The following ATF2 variants were observed in gnomAD, a reference collection of about 807,000 sequenced individuals.
The protein encoded by ATF2 is activating transcription factor 2.
ATF2 carries 24 observed loss-of-function variants against 60.6 expected under a neutral mutation model. The ratio of observed to expected loss-of-function variants is 0.40; its 90% CI spans 0.29 to 0.56. The LOEUF (loss-of-function observed/expected upper bound fraction) is 0.56. Among genes scored for constraint, ATF2 ranks in the 20% least tolerant of loss-of-function variants. The probability of loss-of-function intolerance (pLI) is 0.54; values close to 1 mark genes in which losing one functional copy is unlikely to be tolerated. For missense variants in ATF2, 433 were observed against 607.7 expected, an observed-to-expected ratio of 0.71 and a Z score of 3.02; for synonymous variants, 206 against 215.4, an observed-to-expected ratio of 0.96 and a Z score of 0.38.
At chr2:175,142,794 G>A (rs1698666990) in intron 2 of ATF2, among the ~76,000 whole-genome samples, 1 of 151,058 alleles carries the variant, frequency 6.6e-6, no homozygotes, top group East Asian at 2.0e-4. Flanking sequence ...GCTGCAGAGA[G>A]AAACAGAAAG....
At chr2:175,088,771 T>C (rs929353476) in intron 12 of ATF2, among the ~76,000 whole-genome samples, 2 of 152,074 alleles carry the variant, frequency 1.3e-5, no homozygotes, top group African/African-American at 4.8e-5. Flanking sequence ...ACATGCTACA[T>C]TTATAAACTG....
intron 12 of ATF2, among the ~76,000 whole-genome samples, chr2:175,088,681 T>C (rs912512267): frequency 6.6e-6 from 1 of 152,008 alleles, no homozygotes; most frequent in African/African-American, 2.4e-5. Flanking sequence ...CAAAAATAAT[T>C]ATCAAGTTGT....
At chr2:175,160,402 C>T (rs1699944429) in intron 1 of ATF2, among the ~76,000 whole-genome samples, 1 of 152,110 alleles carries the variant, frequency 6.6e-6, no homozygotes. Context: ...TAAAGTAAGA[C>T]TATGGATTAT....
At chr2:175,151,904 A>G (rs1231907221) in intron 1 of ATF2, among the ~76,000 whole-genome samples, 1 of 152,208 alleles carries the variant, frequency 6.6e-6, no homozygotes, top group African/African-American at 2.4e-5. Context: ...CTGATCAGAC[A>G]GCAAGATGAG....
chr2:175,139,042 T>C (rs1476224617), intron 2 of ATF2, among the ~76,000 whole-genome samples: 2 of 152,200 alleles, frequency 1.3e-5, no homozygotes, highest in Admixed American at 1.3e-4. Flanking sequence ...TACCTCACAG[T>C]TGTTGTAAGC....
intron 2 of ATF2, among the ~76,000 whole-genome samples, chr2:175,146,738 T>C (rs963835866): frequency 4.6e-5 from 7 of 152,192 alleles, no homozygotes; most frequent in Non-Finnish European, 1.0e-4. Flanking sequence ...ACCTGAGATG[T>C]GAATTGTCGC....
At chr2:175,151,611 T>C (rs1051491373) in intron 1 of ATF2, among the ~76,000 whole-genome samples, 3 of 152,166 alleles carry the variant, frequency 2.0e-5, no homozygotes, top group Admixed American at 1.3e-4. Context: ...TGTGCTTATT[T>C]GGAAAAAGCT....
intron 12 of ATF2, among the ~76,000 whole-genome samples, chr2:175,086,017 T>A (rs996367252): frequency 6.6e-6 from 1 of 152,250 alleles, no homozygotes; most frequent in Non-Finnish European, 1.5e-5. Context: ...AAATTATATT[T>A]ATCCAAAATT....
chr2:175,108,717 G>A (rs918373131), intron 10 of ATF2, among the ~76,000 whole-genome samples: 33 of 152,168 alleles, frequency 2.2e-4, no homozygotes, highest in African/African-American at 8.0e-4. Context: ...TGACGATGGC[G>A]GTTTTGCGGA....
At chr2:175,104,405 C>T (rs569619814) in intron 10 of ATF2, among the ~76,000 whole-genome samples, 1 of 151,710 alleles carries the variant, frequency 6.6e-6, no homozygotes, top group South Asian at 2.1e-4. Context: ...CTGAAAACAA[C>T]AAAGTAAAAT....
chr2:175,167,329 A>G (rs1700423171), intron 1 of ATF2, among the ~76,000 whole-genome samples: 1 of 152,092 alleles, frequency 6.6e-6, no homozygotes, highest in South Asian at 2.1e-4. Context: ...TTTAAAAAAA[A>G]AAAAATAAGG....
rs867280183 is a variant in ATF2, at chr2:175,163,329, G to A, written c.-143+4721C>T. ...TTAGGGAATATATTTATAAACTTAT[G>A]GTCAATATTATAGATAAAAATACTA... On this transcript the variant is annotated intron_variant, in intron 1 of 13. Coordinates refer to ENST00000264110, the MANE Select transcript of ATF2 (RefSeq NM_001880.4). Among the ~76,000 whole-genome samples the A allele has an allele frequency of 7.2e-5, 11 of 151,978 alleles. No homozygotes were observed. In the South Asian group the frequency reaches 1.2e-3, roughly 17 times the overall value.
intron 1 of ATF2, among the ~76,000 whole-genome samples, chr2:175,156,388 A>C (rs1451419184): frequency 1.3e-4 from 20 of 149,482 alleles, no homozygotes; most frequent in East Asian, 9.7e-4. Flanking sequence ...AAAAAAAAAA[A>C]AAAAAAAAAA....
rs1695007632 is a variant in ATF2, at chr2:175,097,457, G to C, written c.965C>G (p.Thr322Ser). The change falls in exon 11 of 14, where the codon ACT becomes AGT. Residue 322 changes from threonine to serine, a missense_variant. Physicochemically the swap from Thr to Ser is moderately conservative, Grantham distance 58. Transcript: ENST00000264110. ...PQSLQQPATS[T>S]TETPASPAHT... The stretch of plus-strand genomic sequence containing the variant: ...CAACACACATACCGGAGTTTCTGTA[G>C]TGGATGTGGCTGGCTGTTGTAATGA... The C allele has an allele frequency of 4.3e-6, 7 of 1,613,930 alleles. No homozygotes were observed. Among genetic ancestry groups the C allele is most frequent in the Non-Finnish European group, 5.9e-6 (7 of 1,179,920 alleles).
Position 175,093,145 on chromosome 2 carries a change from T to G in ATF2, c.1101A>C (p.Ser367=), listed in dbSNP as rs1230895822. ...AGACTTTCCTTTTTTGTCGGCATCT[T>G]GAAGCTGCTGCTCTATTTCGCTCTA... ...KFLERNRAAA[S]RCRQKRKVWV... The change falls in exon 12 of 14, where the codon TCA becomes TCC. Residue 367 remains serine (S), a synonymous_variant. Coordinates refer to ENST00000264110, the MANE Select transcript of ATF2 (RefSeq NM_001880.4). The G allele has an allele frequency of 1.2e-6, 2 of 1,614,076 alleles. No individual in the cohort carries two copies. The highest frequency in any genetic ancestry group is 3.3e-5 in the Admixed American group (2 of 60,010).
chr2:175,125,226 A>C (rs1697249705), intron 4 of ATF2, among the ~76,000 whole-genome samples: 1 of 152,084 alleles, frequency 6.6e-6, no homozygotes, highest in African/African-American at 2.4e-5. Flanking sequence ...AAAAGCAGTC[A>C]CCATCAAAAT....
chr2:175,114,174 A>C, intron 8 of ATF2, 66 bp from the exon 9 acceptor site: 1 of 1,489,576 alleles, frequency 6.7e-7, no homozygotes, highest in Non-Finnish European at 9.1e-7. Context: ...TTAAAAATAC[A>C]ATAGTATTTT....
intron 3 of ATF2, chr2:175,132,602 A>AT (rs1302352518): frequency 1.3e-5 from 2 of 152,198 alleles, no homozygotes; most frequent in Non-Finnish European, 2.9e-5. Context: ...CAGTGGCTTT[A>AT]TAAGAATTGG....
At chr2:175,167,506 C>T in intron 1 of ATF2, 1 of 422,852 alleles carries the variant, frequency 2.4e-6, no homozygotes, top group South Asian at 1.7e-5. Flanking sequence ...CAGCCAGGGA[C>T]CCTGATTCTA....
Sources: allele counts gnomAD v4.1 joint callset (sites outside exome capture counted in the v4.1 genomes callset), GRCh38; gene constraint gnomAD v4.1.1; transcripts MANE v1.5; gene names NCBI Gene and HGNC (gene_info 2026-07-23, HGNC 2026-07-21).